The following ZSWIM5 variants were observed in gnomAD, a reference collection of about 807,000 sequenced individuals.
ZSWIM5 encodes the protein zinc finger SWIM domain-containing protein 5.
Under a neutral mutation model 119.6 loss-of-function variants are expected in ZSWIM5, and 55 were observed. The ratio of observed to expected loss-of-function variants is 0.46; its 90% confidence interval spans 0.37 to 0.58. The LOEUF (loss-of-function observed/expected upper bound fraction) is 0.58, where lower values mean the gene tolerates loss of function less well. Among genes scored for constraint, ZSWIM5 ranks in the 20% least tolerant of loss-of-function variants. The probability of loss-of-function intolerance (pLI) is 0.00; values close to 1 mark genes in which losing one functional copy is unlikely to be tolerated. For synonymous variants in ZSWIM5, 537 were observed against 606.9 expected, an observed-to-expected ratio of 0.88 and a Z score of 1.69; for missense variants, 1,193 against 1,512.8, an observed-to-expected ratio of 0.79 and a Z score of 3.51.
At chr1:45,115,341 C>G (rs576525034) in intron 1 of ZSWIM5, among the ~76,000 whole-genome samples, 1 of 152,032 alleles carries the variant, frequency 6.6e-6, no homozygotes, top group African/African-American at 2.4e-5. Flanking sequence ...ATTTCCCAGA[C>G]GGGGTGGCTG....
At chr1:45,170,483 G>A (rs919058635) in intron 1 of ZSWIM5, among the ~76,000 whole-genome samples, 1 of 149,910 alleles carries the variant, frequency 6.7e-6, no homozygotes, top group Non-Finnish European at 1.5e-5. Context: ...GGAGTGCGGT[G>A]GCAGGATCAT....
intron 2 of ZSWIM5, 75 bp from the exon 3 acceptor site, chr1:45,060,322 G>A: frequency 6.6e-7 from 1 of 1,516,214 alleles, no homozygotes; most frequent in East Asian, 2.4e-5. Context: ...GGCACTTTGT[G>A]AGCATATTCA....
At chr1:45,024,555 T>C (rs1644909435) in intron 11 of ZSWIM5, among the ~76,000 whole-genome samples, 1 of 151,348 alleles carries the variant, frequency 6.6e-6, no homozygotes, top group African/African-American at 2.4e-5. Flanking sequence ...TCATTTTTTC[T>C]TTCATGATTG....
chr1:45,019,209 G>A lies in ZSWIM5; in HGVS notation c.2803C>T (p.Arg935Cys), dbSNP rs759242670. 5.0e-6 allele frequency: 8 copies of A among 1,613,512 alleles called. No individual in the cohort carries two copies. The highest frequency in any genetic ancestry group is 4.5e-5 in the East Asian group (2 of 44,896). The change falls in exon 14 of 14, where the codon CGC (arginine) becomes TGC (cysteine). Residue 935 changes from arginine (R) to cysteine (C), a missense_variant. Arg to Cys is a radical substitution (Grantham distance 180). Coordinates refer to ENST00000359600, the MANE Select transcript of ZSWIM5 (RefSeq NM_020883.2). This position sits in a 1 kb window ranked among gnomAD's most constrained non-coding sequence, Gnocchi z 5.0. ...CGCTGTGGATAGTCAAGACTGAGGC[G>A]CAGGATAGTGGTGTGGGATACGGCT... ...ATAVSHTTIL[R>C]LSLDYPQREE...
intron 4 of ZSWIM5, among the ~76,000 whole-genome samples, chr1:45,054,928 C>A (rs1311575015): frequency 6.6e-6 from 1 of 152,138 alleles, no homozygotes; most frequent in African/African-American, 2.4e-5. Context: ...CAGGTTCAAG[C>A]GATTCTCCTG....
intron 1 of ZSWIM5, among the ~76,000 whole-genome samples, chr1:45,189,041 C>T (rs540034369): frequency 2.6e-5 from 4 of 152,122 alleles, no homozygotes; most frequent in Non-Finnish European, 4.4e-5. Context: ...GGACCGGGCA[C>T]GGTGGCTCAC....
intron 1 of ZSWIM5, among the ~76,000 whole-genome samples, chr1:45,127,855 A>T (rs1478398800): frequency 6.6e-6 from 1 of 152,220 alleles, no homozygotes; most frequent in Non-Finnish European, 1.5e-5. Flanking sequence ...AACCCAAACT[A>T]AAAACTTAAT....
intron 1 of ZSWIM5, among the ~76,000 whole-genome samples, chr1:45,199,244 G>C (rs1335863038): frequency 1.3e-5 from 2 of 151,346 alleles, no homozygotes; most frequent in Non-Finnish European, 2.9e-5. Flanking sequence ...CTGCTGTTAA[G>C]GCAAGAAAAC....
At chr1:45,189,702 G>A (rs904718325) in intron 1 of ZSWIM5, among the ~76,000 whole-genome samples, 1 of 152,206 alleles carries the variant, frequency 6.6e-6, no homozygotes, top group Non-Finnish European at 1.5e-5. Flanking sequence ...GCTGCAGTAA[G>A]CCATGATCTT....
At chr1:45,170,167 T>C (rs1437735351) in intron 1 of ZSWIM5, among the ~76,000 whole-genome samples, 1 of 152,106 alleles carries the variant, frequency 6.6e-6, no homozygotes, top group South Asian at 2.1e-4. Flanking sequence ...GGTGGACTTT[T>C]ACCTTTTTTC....
chr1:45,051,660 G>A (rs1326086527), intron 4 of ZSWIM5, among the ~76,000 whole-genome samples: 1 of 152,198 alleles, frequency 6.6e-6, no homozygotes, highest in Non-Finnish European at 1.5e-5. Context: ...TAAGTATTAA[G>A]ATAAAGATAT....
At chr1:45,063,687 GC>G (rs1175828014) in intron 2 of ZSWIM5, among the ~76,000 whole-genome samples, 1 of 152,084 alleles carries the variant, frequency 6.6e-6, no homozygotes, top group Non-Finnish European at 1.5e-5. Flanking sequence ...CAGAGTCAGG[GC>G]CGCAATGAGA....
chr1:45,044,785 A>T lies in ZSWIM5; in HGVS notation c.1433-1390T>A, dbSNP rs1215571826. On this transcript the variant is annotated intron_variant, in intron 5 of 13. Coordinates refer to ENST00000359600, the MANE Select transcript of ZSWIM5 (RefSeq NM_020883.2). ...TATATATATATATATAAATATATAT[A>T]TATAAATATATATATATAAATATAT... Among the ~76,000 whole-genome samples the T allele has an allele frequency of 4.6e-3, 14 of 3,066 alleles. 5 individuals are homozygous for T. The highest frequency in any genetic ancestry group is 0.011 in the African/African-American group (12 of 1,046). 2.0% of individuals were successfully genotyped at this position (3,066 alleles called of 152,430 possible).
rs577501831 is a variant in ZSWIM5 at position 45,055,892 on chromosome 1, A to T, written c.1252+2717T>A. 4.6e-5 allele frequency among the ~76,000 whole-genome samples: 7 copies of T among 152,216 alleles called. No homozygotes were observed. The South Asian group carries it at 1.5e-3, about 32-fold the overall frequency. ...GCCTGTAATCCCAGCACTTTGGGAG[A>T]TGGAGGCGGTAGAATTGCTTGAGGC... On this transcript the variant is annotated intron_variant, in intron 4 of 13. Transcript: ENST00000359600.
At chr1:45,029,901 T>A (rs1644941904) in intron 11 of ZSWIM5, among the ~76,000 whole-genome samples, 1 of 152,168 alleles carries the variant, frequency 6.6e-6, no homozygotes, top group Non-Finnish European at 1.5e-5. Context: ...TCTGTTTGAG[T>A]TCCTGCTTGC....
chr1:45,079,066 C>T (rs1402497176), intron 2 of ZSWIM5, among the ~76,000 whole-genome samples: 3 of 152,114 alleles, frequency 2.0e-5, no homozygotes, highest in African/African-American at 7.2e-5. Context: ...ATGGCCGGTC[C>T]CTGCCTTAAA....
At chr1:45,178,511 T>C (rs183052557) in intron 1 of ZSWIM5, among the ~76,000 whole-genome samples, 10 of 152,314 alleles carry the variant, frequency 6.6e-5, no homozygotes, top group Non-Finnish European at 7.4e-5. Flanking sequence ...TTTGCAGATA[T>C]GCCTATAGAT....
chr1:45,084,131 A>G (rs1409984547), intron 2 of ZSWIM5, among the ~76,000 whole-genome samples: 1 of 152,080 alleles, frequency 6.6e-6, no homozygotes, highest in African/African-American at 2.4e-5. Context: ...GCTGGTCTCA[A>G]ACTCCTGTGT....
At chr1:45,203,510 G>C (rs1310939746) in intron 1 of ZSWIM5, among the ~76,000 whole-genome samples, 1 of 152,018 alleles carries the variant, frequency 6.6e-6, no homozygotes, top group Non-Finnish European at 1.5e-5. Context: ...TTTAGAAACA[G>C]TAAGGAAATA....
Sources: gnomAD v4.1 joint callset for allele counts (sites outside exome capture counted in the v4.1 genomes callset) on GRCh38, gnomAD v4.1.1 for gene constraint, Gnocchi (gnomAD v3.1) non-coding constraint, MANE v1.5 for transcripts, NCBI Gene and HGNC (gene_info 2026-07-23, HGNC 2026-07-21) for gene names.